Variants in LCLAT1 observed in about 807,000 individuals in gnomAD.
LCLAT1 encodes 1-AGP acyltransferase 8.
LCLAT1 carries 11 observed loss-of-function variants against 30.7 expected under a neutral mutation model. The observed-to-expected ratio is 0.36, with a 90% CI of 0.23 to 0.59. The LOEUF (loss-of-function observed/expected upper bound fraction) is 0.59. Ranked by LOEUF, LCLAT1 falls within the 20% of genes least tolerant of loss-of-function variation. The pLI, the probability that LCLAT1 is intolerant of heterozygous loss-of-function variation, is 0.77. For missense variants in LCLAT1, 402 were observed against 458.6 expected (o/e 0.88, Z 1.13); for synonymous variants, 155 against 151.3 (o/e 1.02, Z -0.18).
intron 5 of LCLAT1, among the ~76,000 whole-genome samples, chr2:30,587,019 A>G (rs942860247): frequency 6.6e-6 from 1 of 152,198 alleles, no homozygotes; most frequent in Admixed American, 6.5e-5. Flanking sequence ...TTTTGTGATC[A>G]GTCTTCTACC....
rs191559143 is a variant in LCLAT1, at chr2:30,559,392, A to C, written c.365-2754A>C. 4.0e-3 allele frequency among the ~76,000 whole-genome samples: 605 copies of C among 152,328 alleles called. 3 individuals are homozygous for C. Among genetic ancestry groups the C allele is most frequent in the African/African-American group, 0.013 (560 of 41,572 alleles). ...ACACCAACTCAGTCATTACCCACTT[A>C]TCTGAAATTCTGTCATTATTGTATA... is the stretch of plus-strand genomic sequence containing the variant. On this transcript the variant is annotated intron_variant, in intron 3 of 5. Coordinates refer to ENST00000379509, the MANE Select transcript of LCLAT1 (RefSeq NM_001002257.3).
At chr2:30,578,854 TCA>T (rs1558532520) in intron 5 of LCLAT1, among the ~76,000 whole-genome samples, 1 of 152,168 alleles carries the variant, frequency 6.6e-6, no homozygotes, top group Non-Finnish European at 1.5e-5. Flanking sequence ...TTGTTTTCAT[TCA>T]CATTAGTGTC....
At chr2:30,560,327 T>TG (rs1453741640) in intron 3 of LCLAT1, among the ~76,000 whole-genome samples, 277 of 141,934 alleles carry the variant, frequency 2.0e-3, no homozygotes, top group African/African-American at 6.5e-3. Context: ...TGTGTGTGTA[T>TG]TATTTATTTA....
At chr2:30,578,567 T>C (rs1666085013) in intron 5 of LCLAT1, among the ~76,000 whole-genome samples, 1 of 152,118 alleles carries the variant, frequency 6.6e-6, no homozygotes, top group African/African-American at 2.4e-5. Flanking sequence ...GTAGAAGAAG[T>C]GTTAGTCAGT....
chr2:30,495,611 G>C (rs1043152894), intron 1 of LCLAT1, among the ~76,000 whole-genome samples: 2 of 152,134 alleles, frequency 1.3e-5, no homozygotes, highest in Admixed American at 1.3e-4. Context: ...TCTTAGAGGG[G>C]TAGTGCCATT....
rs573889079 is a variant in LCLAT1, at chr2:30,625,993, T to C, written c.629-14124T>C. Among the ~76,000 whole-genome samples, 12 of 152,368 alleles carry C rather than the reference T, an allele frequency of 7.9e-5. No homozygotes were observed. In the South Asian group the frequency reaches 1.4e-3, roughly 18 times the overall value. ...AAGCATTTCTTTTTCTGTTCACCCA[T>C]GTACCCCAGATGACTACAGCTGTGA... On this transcript the variant is annotated intron_variant, in intron 5 of 5. Transcript: ENST00000379509.
At chr2:30,470,584 A>G (rs1027065042) in intron 1 of LCLAT1, among the ~76,000 whole-genome samples, 2 of 152,246 alleles carry the variant, frequency 1.3e-5, no homozygotes, top group Admixed American at 6.5e-5. Flanking sequence ...GTTAGAAGCA[A>G]GATGGAGTCA....
rs533031044 is a variant in LCLAT1, at chr2:30,624,095, A to G, written c.629-16022A>G. ...AATTTGCCATTACCAAGCCAGCACT[A>G]CAAGAACTGCTAAAAGGAGCTCTAA... On this transcript the variant is annotated intron_variant, in intron 5 of 5. Transcript: ENST00000379509. Among the ~76,000 whole-genome samples the G allele has an allele frequency of 2.3e-4, 35 of 152,338 alleles. No homozygotes were observed. In the South Asian group the frequency reaches 4.1e-3, roughly 18 times the overall value.
rs1196152036 is a variant in LCLAT1, at chr2:30,622,607, C to T, written c.629-17510C>T. Among the ~76,000 whole-genome samples, 4 of 152,322 alleles carry T rather than the reference C, an allele frequency of 2.6e-5. No homozygotes were observed. The East Asian group carries it at 7.7e-4, about 29-fold the overall frequency. On this transcript the variant is annotated intron_variant, in intron 5 of 5. Coordinates refer to ENST00000379509, the MANE Select transcript of LCLAT1 (RefSeq NM_001002257.3). ...GGTGCTGGTATCCACGACTGAGACA[C>T]TTGAAAATGGATTACATCACACAAC... is the stretch of plus-strand genomic sequence containing the variant.
chr2:30,577,676 A>G (rs1666053647), intron 5 of LCLAT1, among the ~76,000 whole-genome samples: 6 of 152,152 alleles, frequency 3.9e-5, no homozygotes, highest in Admixed American at 3.9e-4. Context: ...TGATTATAAT[A>G]CACTAACAGA....
chr2:30,532,415 T>A (rs1334509539), intron 2 of LCLAT1, among the ~76,000 whole-genome samples: 1 of 152,244 alleles, frequency 6.6e-6, no homozygotes, highest in East Asian at 1.9e-4. Context: ...CAAAGAAGAG[T>A]TTGAAATCAA....
chr2:30,496,000 C>A (rs1455406513), intron 1 of LCLAT1, among the ~76,000 whole-genome samples: 2 of 152,036 alleles, frequency 1.3e-5, no homozygotes, highest in African/African-American at 4.8e-5. Flanking sequence ...CTCATGGTGC[C>A]ACAGGCTGTA....
chr2:30,625,673 ATTG>A (rs1456551592), intron 5 of LCLAT1, among the ~76,000 whole-genome samples: 2 of 152,226 alleles, frequency 1.3e-5, no homozygotes, highest in Admixed American at 6.5e-5. Context: ...GTTAATCTGT[ATTG>A]TTATATATTT....
chr2:30,617,542 C>T lies in LCLAT1; in HGVS notation c.629-22575C>T, dbSNP rs569340985. Among the ~76,000 whole-genome samples, 3 of 152,272 alleles carry T rather than the reference C, an allele frequency of 2.0e-5. No individual in the cohort carries two copies. The South Asian group carries it at 6.2e-4, about 32-fold the overall frequency. On this transcript the variant is annotated intron_variant, in intron 5 of 5. Transcript: ENST00000379509. ...TTGTATGGGCATATATTTTCTTGGG[C>T]ACATACCTATGCTGTCATTCTCTGG...
chr2:30,595,326 C>T (rs967133629), intron 5 of LCLAT1, among the ~76,000 whole-genome samples: 1 of 152,054 alleles, frequency 6.6e-6, no homozygotes, highest in African/African-American at 2.4e-5. Flanking sequence ...TTATAGTGGA[C>T]CCAGACGTTT....
At chr2:30,537,721 TA>T (rs1663861004) in intron 3 of LCLAT1, among the ~76,000 whole-genome samples, 1 of 152,154 alleles carries the variant, frequency 6.6e-6, no homozygotes, top group Admixed American at 6.5e-5. Flanking sequence ...TAAACTGCAT[TA>T]TAGACCAAGT....
At chr2:30,465,098 A>G (rs1022186446) in intron 1 of LCLAT1, among the ~76,000 whole-genome samples, 1 of 152,150 alleles carries the variant, frequency 6.6e-6, no homozygotes, top group Non-Finnish European at 1.5e-5. Flanking sequence ...AACCTGTGAA[A>G]TGTTACCTTG....
intron 1 of LCLAT1, among the ~76,000 whole-genome samples, chr2:30,502,805 A>G (rs1290530359): frequency 6.6e-6 from 1 of 152,036 alleles, no homozygotes. Flanking sequence ...CTCCTTTACT[A>G]TGAATAGTGC....
chr2:30,603,335 C>A (rs563686663), intron 5 of LCLAT1, among the ~76,000 whole-genome samples: 7 of 152,110 alleles, frequency 4.6e-5, no homozygotes, highest in African/African-American at 1.4e-4. Flanking sequence ...AAAGACAGAT[C>A]ATAATCATCA....
Sources: allele counts gnomAD v4.1 joint callset (sites outside exome capture counted in the v4.1 genomes callset), GRCh38; gene constraint gnomAD v4.1.1; transcripts MANE v1.5; gene names NCBI Gene and HGNC (gene_info 2026-07-23, HGNC 2026-07-21).